The following MYH10 variants were observed in gnomAD, a reference collection of about 807,000 sequenced individuals.
The protein encoded by MYH10 is myosin-10.
MYH10 carries 55 observed loss-of-function variants against 257.8 expected under a neutral mutation model. The ratio of observed to expected loss-of-function variants is 0.21; its 90% confidence interval spans 0.17 to 0.27. The LOEUF (loss-of-function observed/expected upper bound fraction) is 0.27. MYH10 is among the 10% of genes least tolerant of loss of function. The probability of loss-of-function intolerance (pLI) is 1.00; values close to 1 mark genes in which losing one functional copy is unlikely to be tolerated. For missense variants in MYH10, 1,631 were observed against 2,500.6 expected, an observed-to-expected ratio of 0.65 and a Z score of 7.42; for synonymous variants, 854 against 921.7, an observed-to-expected ratio of 0.93 and a Z score of 1.33.
chr17:8,585,286 GTGTATATATA>G (rs1383098184), intron 4 of MYH10, among the ~76,000 whole-genome samples: 4 of 84,604 alleles, frequency 4.7e-5, no homozygotes, highest in African/African-American at 1.3e-4. Flanking sequence ...ATGTGTGTGT[GTGTATATATA>G]TATATATATA....
At chr17:8,570,910 A>C (rs1038986652) in intron 6 of MYH10, among the ~76,000 whole-genome samples, 1 of 152,172 alleles carries the variant, frequency 6.6e-6, no homozygotes, top group Non-Finnish European at 1.5e-5. Context: ...CCTCAGGCAC[A>C]TTACACAGGA....
intron 4 of MYH10, among the ~76,000 whole-genome samples, chr17:8,583,619 AC>A (rs1217335180): frequency 6.6e-6 from 1 of 152,202 alleles, no homozygotes; most frequent in Non-Finnish European, 1.5e-5. Flanking sequence ...TGTTTTTTCA[AC>A]TACATTACAC....
intron 36 of MYH10, 57 bp from the exon 37 acceptor site, chr17:8,484,323 A>C: frequency 1.3e-6 from 2 of 1,551,958 alleles, no homozygotes; most frequent in East Asian, 2.3e-5. Context: ...TAGTTAAAAT[A>C]AAATTTTTTT....
At chr17:8,531,847 T>C (rs887019035) in intron 16 of MYH10, among the ~76,000 whole-genome samples, 1 of 152,246 alleles carries the variant, frequency 6.6e-6, no homozygotes, top group African/African-American at 2.4e-5. Context: ...ATAATGTTTT[T>C]CCAGGGTTAT....
Position 8,569,080 on chromosome 17 carries a change from G to T in MYH10, c.756+640C>A, listed in dbSNP as rs1051228331. ...AAAAGTTACTCTTTTAAATTAGCCT[G>T]GTGAAGTAACGTGAGCCTGTAGTCC... is the stretch of plus-strand genomic sequence containing the variant. On this transcript the variant is annotated intron_variant, in intron 7 of 42. Coordinates refer to ENST00000360416, the MANE Select transcript of MYH10 (RefSeq NM_001256012.3). The surrounding 1 kb of genome is among the most constrained non-coding windows in gnomAD (Gnocchi z 4.1). Among the ~76,000 whole-genome samples the T allele has an allele frequency of 2.0e-5, 3 of 151,736 alleles. No homozygotes were observed. The highest frequency in any genetic ancestry group is 7.3e-5 in the African/African-American group (3 of 41,328).
chr17:8,524,449 CAAAAAAAAAAAAAAAAAAAAAAAAAA>C (rs541255427), intron 17 of MYH10, among the ~76,000 whole-genome samples: 2 of 62,158 alleles, frequency 3.2e-5, no homozygotes, highest in African/African-American at 6.6e-5. Flanking sequence ...GACTCTGTCT[CAAAAAAAAAAAAAAAAAAAAAAAAAA>C]AAAAAAAAAA....
chr17:8,601,166 A>AATGGCT lies in MYH10; in HGVS notation c.502+3659_502+3660insAGCCAT, dbSNP rs2084576402. Among the ~76,000 whole-genome samples the AATGGCT allele has an allele frequency of 3.3e-5, 5 of 152,262 alleles. No homozygotes were observed. The South Asian group carries it at 1.0e-3, about 32-fold the overall frequency. On this transcript the variant is annotated intron_variant, in intron 3 of 42. Transcript: ENST00000360416. ...TCTACCCAGGTCAACCGGGGTTGGTAGCAGTGTTGGTTGCCTGCTGCTGAA... is the reference window on the plus strand; with the variant it reads ...TCTACCCAGGTCAACCGGGGTTGGTAATGGCTGCAGTGTTGGTTGCCTGCTGCTGAA...
intron 17 of MYH10, among the ~76,000 whole-genome samples, chr17:8,526,134 C>T (rs956117895): frequency 6.6e-6 from 1 of 152,152 alleles, no homozygotes; most frequent in African/African-American, 2.4e-5. Flanking sequence ...ATTCCACCAA[C>T]AAAATCATCT....
intron 4 of MYH10, among the ~76,000 whole-genome samples, chr17:8,587,876 T>A (rs2083968170): frequency 6.6e-6 from 1 of 152,092 alleles, no homozygotes; most frequent in South Asian, 2.1e-4. Context: ...CATTTTCACC[T>A]CCCCTTCATG....
intron 17 of MYH10, among the ~76,000 whole-genome samples, chr17:8,521,771 TATTC>T (rs2081662936): frequency 6.6e-6 from 1 of 152,200 alleles, no homozygotes; most frequent in Non-Finnish European, 1.5e-5. Flanking sequence ...AGTCATTAGA[TATTC>T]AGTGAGAAAA....
chr17:8,560,121 T>C (rs2082937343), intron 7 of MYH10, among the ~76,000 whole-genome samples: 1 of 152,232 alleles, frequency 6.6e-6, no homozygotes, highest in African/African-American at 2.4e-5. Flanking sequence ...TTCACCAACA[T>C]GTATGTTTAA....
chr17:8,535,651 A>G lies in MYH10; in HGVS notation c.1779+107T>C, dbSNP rs2082121239. ...ACAATATGTTTGTAATATATACTGT[A>G]TTTGTTTATAAATGTTTATCAGCAC... On this transcript the variant is annotated intron_variant, in intron 15 of 42. Coordinates refer to ENST00000360416, the MANE Select transcript of MYH10 (RefSeq NM_001256012.3). The surrounding 1 kb of genome is among the most constrained non-coding windows in gnomAD (Gnocchi z 4.3). The G allele has an allele frequency of 7.8e-7, 1 of 1,281,208 alleles. No individual in the cohort carries two copies. Among genetic ancestry groups the G allele is most frequent in the South Asian group, 1.4e-5 (1 of 71,378 alleles). The allele number at this position is 1,281,208 out of a possible 1,614,324, so 79.4% of individuals were successfully genotyped here. A position where few individuals can be genotyped will look rare whatever the true frequency, so the allele number is the denominator to read the frequency against.
chr17:8,625,701 G>A (rs916904091), intron 1 of MYH10, among the ~76,000 whole-genome samples: 3 of 152,250 alleles, frequency 2.0e-5, no homozygotes, highest in Non-Finnish European at 4.4e-5. Flanking sequence ...GGCTGGTCTT[G>A]AACTCCTCAC....
At chr17:8,617,956 T>G (rs1295813486) in intron 2 of MYH10, among the ~76,000 whole-genome samples, 3 of 152,208 alleles carry the variant, frequency 2.0e-5, no homozygotes, top group Non-Finnish European at 4.4e-5. Flanking sequence ...TAAATAACAT[T>G]TCTTACGAAA....
chr17:8,567,865 G>A (rs2083212047), intron 7 of MYH10, among the ~76,000 whole-genome samples: 1 of 152,182 alleles, frequency 6.6e-6, no homozygotes, highest in South Asian at 2.1e-4. Context: ...AACTAACTCT[G>A]AGATTAAAGG....
chr17:8,522,400 G>A (rs186772559), intron 17 of MYH10, among the ~76,000 whole-genome samples: 2 of 152,308 alleles, frequency 1.3e-5, no homozygotes, highest in South Asian at 2.1e-4. Flanking sequence ...TGGAAGCTGG[G>A]AGAAGGGCGG....
In MYH10 at chr17:8,509,863, C is replaced by A; in HGVS notation, c.3039G>T (p.Lys1013Asn). The stretch of plus-strand genomic sequence containing the variant: ...CGAGAAGCAGAATCTCCTCTTCCAT[C>A]TTCTTGATCTTGGCCTCTGCTGTCA... ...EKVTAEAKIK[K>N]MEEEILLLED... is the part of the protein sequence containing the mutation. The change falls in exon 25 of 43, where the codon AAG becomes AAT. Residue 1013 changes from lysine (K) to asparagine (N), a missense_variant. This residue lies in a region of MYH10 where 169 missense variants were observed against 249.8 expected (regional missense o/e 0.68). Transcript: ENST00000360416. 1 of 1,612,790 alleles carries A rather than the reference C, an allele frequency of 6.2e-7. No individual in the cohort carries two copies. The highest frequency in any genetic ancestry group is 8.5e-7 in the Non-Finnish European group (1 of 1,179,368).
chr17:8,550,717 G>T (rs1406303606), intron 9 of MYH10, among the ~76,000 whole-genome samples: 17 of 151,678 alleles, frequency 1.1e-4, no homozygotes, highest in Non-Finnish European at 2.2e-4. Flanking sequence ...GGGTGGGGAA[G>T]GGATTGAGAA....
chr17:8,508,756 C>T, intron 25 of MYH10, 79 bp from the exon 26 acceptor site: 1 of 1,557,078 alleles, frequency 6.4e-7, no homozygotes, highest in Non-Finnish European at 8.7e-7. Context: ...TAAAGGTCAA[C>T]TTTGACTCGA....
Sources: allele counts gnomAD v4.1 joint callset (sites outside exome capture counted in the v4.1 genomes callset), GRCh38; gene constraint gnomAD v4.1.1; regional missense constraint gnomAD v4.1.1; non-coding constraint Gnocchi (gnomAD v3.1); transcripts MANE v1.5; gene names NCBI Gene and HGNC (gene_info 2026-07-23, HGNC 2026-07-21).